The following FRMD8 variants were observed in gnomAD, a reference collection of about 807,000 sequenced individuals.
FRMD8 encodes FERM domain-containing protein 8.
In FRMD8, 37 loss-of-function variants were observed where a neutral mutation model predicts 54.2. The observed-to-expected ratio is 0.68, with a 90% CI of 0.53 to 0.90. FRMD8 has a LOEUF of 0.90. FRMD8 is among the 40% of genes least tolerant of loss of function. The pLI is 0.00. For missense variants in FRMD8, 585 were observed against 653.7 expected (o/e 0.89, Z 1.15); for synonymous variants, 246 against 286.9 (o/e 0.86, Z 1.44).
At chr11:65,406,489 C>G (rs1193155339) in intron 10 of FRMD8, among the ~76,000 whole-genome samples, 1 of 144,122 alleles carries the variant, frequency 6.9e-6, no homozygotes, top group Non-Finnish European at 1.5e-5. Context: ...CCACTGCACC[C>G]GGCCCTAATT....
At chr11:65,391,506 TTTTA>T (rs1378151882) in intron 3 of FRMD8, among the ~76,000 whole-genome samples, 1 of 152,100 alleles carries the variant, frequency 6.6e-6, no homozygotes, top group Admixed American at 6.5e-5. Flanking sequence ...TTTAACTTAA[TTTTA>T]TTTATTTATT....
At chr11:65,383,964 AT>A (rs1855687941), upstream of FRMD8, among the ~76,000 whole-genome samples, 1 of 152,040 alleles carries the variant, frequency 6.6e-6, no homozygotes, top group African/African-American at 2.4e-5. Flanking sequence ...CTTGGGGTCT[AT>A]TATTGTTTGC....
chr11:65,403,046 T>A (rs746277209), intron 9 of FRMD8, among the ~76,000 whole-genome samples: 25 of 152,074 alleles, frequency 1.6e-4, no homozygotes, highest in Non-Finnish European at 4.4e-5. Flanking sequence ...CAGGCTAACT[T>A]TATTTTATAT....
rs538285333 is a variant in FRMD8 at position 65,390,965 on chromosome 11, G to T, written c.253+1437G>T. Among the ~76,000 whole-genome samples, 4 of 152,376 alleles carry T rather than the reference G, an allele frequency of 2.6e-5. No homozygotes were observed. The East Asian group carries it at 7.7e-4, about 29-fold the overall frequency. On this transcript the variant is annotated intron_variant, in intron 3 of 10. Coordinates refer to ENST00000317568, the MANE Select transcript of FRMD8 (RefSeq NM_031904.5). ...AGCACCCACTCTGTTCCCAGGCTGG[G>T]TTCAGGGAGGCTGAAAAGCCACTTC... is the stretch of plus-strand genomic sequence containing the variant.
the FRMD8 span, chr11:65,376,550 T>A: frequency 1.2e-6 from 2 of 1,614,148 alleles, no homozygotes; most frequent in Non-Finnish European, 1.7e-6. Context: ...CAGTCCAGCA[T>A]CCCCTGGTAC....
chr11:65,387,678 A>G (rs562829914), intron 2 of FRMD8, among the ~76,000 whole-genome samples: 5 of 152,150 alleles, frequency 3.3e-5, no homozygotes, highest in Non-Finnish European at 7.4e-5. Flanking sequence ...AGCTAGGACT[A>G]CAGGCGCCCG....
the FRMD8 span, chr11:65,379,692 G>A: frequency 3.2e-6 from 4 of 1,259,226 alleles, no homozygotes; most frequent in East Asian, 5.0e-5. Flanking sequence ...GGACAGGCAG[G>A]GATGGGCTGA....
the FRMD8 span, among the ~76,000 whole-genome samples, chr11:65,374,358 C>CCATGTGCCCAGG: frequency 6.6e-6 from 1 of 151,836 alleles, no homozygotes; most frequent in Admixed American, 6.6e-5. Context: ...AGCAGGGTAG[C>CCATGTGCCCAGG]TAAGTAACTG....
At position 65,405,350 on chromosome 11, in the gene FRMD8, G is replaced by A. The variant is rs138725702; in HGVS notation, c.1276+282G>A. ...CTGAAGTGTTGGGTAGGTGGGGCGCGGTGGCTCACGCCTGTAATCCCAGCA... is the reference window on the plus strand; with the variant it reads ...CTGAAGTGTTGGGTAGGTGGGGCGCAGTGGCTCACGCCTGTAATCCCAGCA... On this transcript the variant is annotated intron_variant, in intron 10 of 10. Coordinates refer to ENST00000317568, the MANE Select transcript of FRMD8 (RefSeq NM_031904.5). Among the ~76,000 whole-genome samples, 820 of 152,326 alleles carry A rather than the reference G, an allele frequency of 5.4e-3. 3 individuals are homozygous for A. Among genetic ancestry groups the A allele is most frequent in the Non-Finnish European group, 7.6e-3 (516 of 68,028 alleles).
At chr11:65,402,001 A>G (rs1856094582) in intron 9 of FRMD8, among the ~76,000 whole-genome samples, 1 of 151,918 alleles carries the variant, frequency 6.6e-6, no homozygotes, top group South Asian at 2.1e-4. Context: ...ATACAGGTCA[A>G]TGTTCATGTT....
chr11:65,380,493 T>G, the FRMD8 span: 1 of 1,366,374 alleles, frequency 7.3e-7, no homozygotes. Context: ...TCCCACCGCC[T>G]ATGAGCCGCG....
chr11:65,394,972 C>T (rs1209877071), intron 6 of FRMD8, among the ~76,000 whole-genome samples: 2 of 152,190 alleles, frequency 1.3e-5, no homozygotes, highest in African/African-American at 2.4e-5. Flanking sequence ...AGGGGCCGGA[C>T]GCGGTGGCCC....
chr11:65,389,251 G>A (rs1222757939), intron 2 of FRMD8, 110 bp from the exon 3 acceptor site: 3 of 1,023,038 alleles, frequency 2.9e-6, no homozygotes, highest in Non-Finnish European at 4.5e-6. Flanking sequence ...ACCCCTGAGG[G>A]GTGTAGGGTG....
At chr11:65,376,929 GC>G in the FRMD8 span, 1 of 1,613,424 alleles carries the variant, frequency 6.2e-7, no homozygotes, top group Non-Finnish European at 8.5e-7. Flanking sequence ...CCTCGGAACA[GC>G]CCCCGGGGCC....
intron 1 of FRMD8, 58 bp downstream of exon 1, chr11:65,386,819 C>A: frequency 1.8e-6 from 1 of 566,958 alleles, no homozygotes; most frequent in Non-Finnish European, 3.1e-6. Context: ...GTGCGCCTTG[C>A]CCTGCCTGGG....
chr11:65,396,007 C>T (rs1366342203), intron 6 of FRMD8, among the ~76,000 whole-genome samples: 1 of 152,162 alleles, frequency 6.6e-6, no homozygotes, highest in Non-Finnish European at 1.5e-5. Flanking sequence ...TGTCTGTGTG[C>T]CCTCGCAGGT....
the FRMD8 span, among the ~76,000 whole-genome samples, chr11:65,373,027 G>A: frequency 1.3e-5 from 2 of 152,138 alleles, no homozygotes; most frequent in African/African-American, 2.4e-5. Flanking sequence ...TGAGGCGGGC[G>A]GATCACTTGA....
chr11:65,388,113 G>C (rs930746827), intron 2 of FRMD8, among the ~76,000 whole-genome samples: 1 of 151,464 alleles, frequency 6.6e-6, no homozygotes, highest in African/African-American at 2.4e-5. Flanking sequence ...GCGGTGAGCT[G>C]AGCTCGCACC....
At chr11:65,387,300 C>A in intron 2 of FRMD8, 179 bp downstream of exon 2, 3 of 702,616 alleles carry the variant, frequency 4.3e-6, no homozygotes, top group Non-Finnish European at 7.7e-6. Context: ...GTTTACTGGC[C>A]AGGTTGGGTC....
Sources: allele counts gnomAD v4.1 joint callset (sites outside exome capture counted in the v4.1 genomes callset), GRCh38; gene constraint gnomAD v4.1.1; transcripts MANE v1.5; gene names NCBI Gene and HGNC (gene_info 2026-07-23, HGNC 2026-07-21).